ALDH9A1: variants seen among roughly 807,000 people sequenced by gnomAD.
The protein encoded by ALDH9A1 is aldehyde dehydrogenase 9 family member A1.
Under a neutral mutation model 56.6 loss-of-function variants are expected in ALDH9A1, and 42 were observed. The ratio of observed to expected loss-of-function variants is 0.74; its 90% confidence interval spans 0.58 to 0.96. The LOEUF (loss-of-function observed/expected upper bound fraction) is 0.96, where lower values mean the gene tolerates loss of function less well. ALDH9A1 is among the 40% of genes least tolerant of loss of function. The probability of loss-of-function intolerance (pLI) is 0.00; values close to 1 mark genes in which losing one functional copy is unlikely to be tolerated. For missense variants in ALDH9A1, 661 were observed against 651.5 expected (o/e 1.01, Z -0.16); for synonymous variants, 242 against 236.0 (o/e 1.03, Z -0.23).
At chr1:165,680,749 C>G in intron 4 of ALDH9A1, 66 bp from the exon 5 acceptor site, 2 of 1,417,296 alleles carry the variant, frequency 1.4e-6, no homozygotes, top group Non-Finnish European at 1.9e-6. Context: ...GAAAACAGGA[C>G]TAGAGGACAA....
At chr1:165,697,287 C>A (rs1350878972) in intron 1 of ALDH9A1, among the ~76,000 whole-genome samples, 1 of 152,038 alleles carries the variant, frequency 6.6e-6, no homozygotes, top group African/African-American at 2.4e-5. Context: ...CTATGGTTAC[C>A]AATACTGCAT....
At chr1:165,678,339 ATAAG>A (rs1223568091) in intron 6 of ALDH9A1, among the ~76,000 whole-genome samples, 4 of 152,316 alleles carry the variant, frequency 2.6e-5, no homozygotes, top group South Asian at 2.1e-4. Flanking sequence ...GTCTCAAAAA[ATAAG>A]TAAGTAAATA....
chr1:165,676,105 C>T (rs10800127), intron 6 of ALDH9A1, among the ~76,000 whole-genome samples: 97,048 of 151,966 alleles, frequency 0.64, 31,360 homozygotes, highest in East Asian at 0.97. Flanking sequence ...ATTATGTAGA[C>T]AGACAGATAC....
At chr1:165,688,689 C>T (rs1649788551) in intron 2 of ALDH9A1, among the ~76,000 whole-genome samples, 1 of 152,064 alleles carries the variant, frequency 6.6e-6, no homozygotes, top group African/African-American at 2.4e-5. Flanking sequence ...GCCTGGGTGA[C>T]AGAGCAAGAC....
At chr1:165,670,153 CA>C (rs1487683689) in intron 6 of ALDH9A1, among the ~76,000 whole-genome samples, 1 of 152,108 alleles carries the variant, frequency 6.6e-6, no homozygotes. Flanking sequence ...AATAAGAAAT[CA>C]GGGCGCAGTG....
chr1:165,683,132 A>G, intron 2 of ALDH9A1, 22 bp from the exon 3 acceptor site: 1 of 1,612,738 alleles, frequency 6.2e-7, no homozygotes, highest in Non-Finnish European at 8.5e-7. Flanking sequence ...GCAGAAGACT[A>G]GATTTAAGAC....
chr1:165,667,532 G>T, intron 8 of ALDH9A1, 82 bp from the exon 9 acceptor site: 2 of 1,495,454 alleles, frequency 1.3e-6, no homozygotes, highest in Admixed American at 1.8e-5. Context: ...TTGAAGATCG[G>T]GTCTCACTAT....
At chr1:165,675,473 T>C (rs1161707972) in intron 6 of ALDH9A1, among the ~76,000 whole-genome samples, 3 of 152,050 alleles carry the variant, frequency 2.0e-5, no homozygotes, top group Non-Finnish European at 4.4e-5. Flanking sequence ...TATTCATTTG[T>C]GGAAAAAGAA....
At chr1:165,669,565 A>G in intron 6 of ALDH9A1, 115 bp from the exon 7 acceptor site, 1 of 949,146 alleles carries the variant, frequency 1.1e-6, no homozygotes. Flanking sequence ...TACATTTTTT[A>G]AAAGGATATT....
chr1:165,684,617 G>C (rs1649652456), intron 2 of ALDH9A1, among the ~76,000 whole-genome samples: 1 of 152,110 alleles, frequency 6.6e-6, no homozygotes, highest in Non-Finnish European at 1.5e-5. Context: ...CTTAAATTTT[G>C]TTTCTTGAAT....
intron 6 of ALDH9A1, among the ~76,000 whole-genome samples, chr1:165,673,972 T>C (rs139130396): frequency 2.6e-5 from 4 of 152,146 alleles, no homozygotes; most frequent in African/African-American, 2.4e-5. Context: ...CATAAAGACC[T>C]TGCTGATAAA....
At chr1:165,698,134 G>C (rs1413803375) in intron 1 of ALDH9A1, 85 of 1,108,648 alleles carry the variant, frequency 7.7e-5, no homozygotes, top group Non-Finnish European at 9.9e-5. Flanking sequence ...TCTGGCCCGG[G>C]TAAAACAACT....
intron 1 of ALDH9A1, among the ~76,000 whole-genome samples, chr1:165,697,947 T>G (rs545436314): frequency 1.3e-5 from 2 of 152,264 alleles, no homozygotes; most frequent in South Asian, 4.2e-4. Flanking sequence ...GAGAAGCACT[T>G]GAGCCCGTAA....
chr1:165,695,182 G>C (rs1356700665), intron 2 of ALDH9A1, 70 bp downstream of exon 2: 15 of 1,471,348 alleles, frequency 1.0e-5, no homozygotes, highest in Non-Finnish European at 1.3e-5. Flanking sequence ...CAACAAAGTC[G>C]AACTGCAAAC....
chr1:165,692,834 C>G (rs532050407), intron 2 of ALDH9A1, among the ~76,000 whole-genome samples: 3 of 151,982 alleles, frequency 2.0e-5, no homozygotes, highest in African/African-American at 7.2e-5. Context: ...GCTACAGTAA[C>G]CAAAACAGCA....
intron 9 of ALDH9A1, 133 bp downstream of exon 9, chr1:165,667,176 C>G: frequency 7.9e-7 from 1 of 1,264,500 alleles, no homozygotes; most frequent in Non-Finnish European, 1.1e-6. Context: ...CTGACTTAAC[C>G]TGAAGCAAAC....
intron 2 of ALDH9A1, among the ~76,000 whole-genome samples, chr1:165,683,446 T>A (rs376355432): frequency 3.9e-5 from 6 of 152,164 alleles, no homozygotes; most frequent in Non-Finnish European, 8.8e-5. Flanking sequence ...TTGAAGTGTA[T>A]ATTTATTGAA....
intron 6 of ALDH9A1, chr1:165,676,316 A>T (rs181333627): frequency 6.3e-6 from 1 of 158,890 alleles, no homozygotes; most frequent in African/African-American, 2.4e-5. Context: ...CCAAAACGAC[A>T]AACACAGGGA....
At chr1:165,686,949 C>T (rs1410253954) in intron 2 of ALDH9A1, among the ~76,000 whole-genome samples, 4 of 152,022 alleles carry the variant, frequency 2.6e-5, no homozygotes, top group African/African-American at 9.7e-5. Flanking sequence ...AGCTATACTC[C>T]GTATGTTCAA....
Sources: gnomAD v4.1 joint callset for allele counts (sites outside exome capture counted in the v4.1 genomes callset) on GRCh38, gnomAD v4.1.1 for gene constraint, MANE v1.5 for transcripts, NCBI Gene and HGNC (gene_info 2026-07-23, HGNC 2026-07-21) for gene names.